Variants in FAM184B observed in about 807,000 individuals in gnomAD.
The protein encoded by FAM184B is protein FAM184B.
FAM184B carries 111 observed loss-of-function variants against 135.9 expected under a neutral mutation model. The observed-to-expected ratio is 0.82, with a 90% CI of 0.70 to 0.96. The LOEUF (loss-of-function observed/expected upper bound fraction) is 0.96. Among genes scored for constraint, FAM184B ranks in the 40% least tolerant of loss-of-function variants. FAM184B has a pLI of 0.00. For synonymous variants in FAM184B, 552 were observed against 524.8 expected, an observed-to-expected ratio of 1.05 and a Z score of -0.71; for missense variants, 1,375 against 1,323.9, an observed-to-expected ratio of 1.04 and a Z score of -0.60.
chr4:17,748,522 T>G (rs1190981240), intron 1 of FAM184B, among the ~76,000 whole-genome samples: 1 of 147,378 alleles, frequency 6.8e-6, no homozygotes, highest in Non-Finnish European at 1.5e-5. Flanking sequence ...TTTTTTTTTT[T>G]TTTTTTTTTT....
chr4:17,751,681 C>T (rs568297605), intron 1 of FAM184B, among the ~76,000 whole-genome samples: 1 of 151,986 alleles, frequency 6.6e-6, no homozygotes, highest in Non-Finnish European at 1.5e-5. Context: ...TCAACATCCA[C>T]GTTTAAGCAA....
chr4:17,752,256 T>C (rs1718311013), intron 1 of FAM184B, among the ~76,000 whole-genome samples: 1 of 152,076 alleles, frequency 6.6e-6, no homozygotes, highest in African/African-American at 2.4e-5. Flanking sequence ...GAATTGGAGT[T>C]TCAAGAGAGA....
rs1477878721 is a variant in FAM184B, at chr4:17,631,364, T to G, written c.*1168A>C. The G allele has an allele frequency of 1.3e-5, 2 of 152,358 alleles. No individual in the cohort carries two copies. The highest frequency in any genetic ancestry group is 4.8e-5 in the African/African-American group (2 of 41,452). The allele number at this position is 152,358 out of a possible 1,614,324, so 9.4% of individuals were successfully genotyped here. ...TTTTTTGTAGAGATGGAGGTCTCGC[T>G]GTGTTGCCCAGGCTGGTCTCAAATT... On this transcript the variant is annotated 3_prime_UTR_variant, in exon 18 of 18. Transcript: ENST00000265018.
At chr4:17,732,764 G>A (rs1717812415) in intron 1 of FAM184B, among the ~76,000 whole-genome samples, 1 of 152,182 alleles carries the variant, frequency 6.6e-6, no homozygotes, top group South Asian at 2.1e-4. Flanking sequence ...GGTACAAGGA[G>A]GAGCTGGTAC....
chr4:17,722,848 A>AT (rs879908451), intron 1 of FAM184B, among the ~76,000 whole-genome samples: 4 of 152,094 alleles, frequency 2.6e-5, no homozygotes, highest in Admixed American at 6.6e-5. Context: ...TGCGTGAATG[A>AT]TTTTTTTTAT....
At chr4:17,667,848 T>C (rs534940067) in intron 7 of FAM184B, among the ~76,000 whole-genome samples, 17 of 152,208 alleles carry the variant, frequency 1.1e-4, no homozygotes, top group Non-Finnish European at 2.4e-4. Context: ...CACATGTCAT[T>C]ATTGATCTAC....
At chr4:17,668,022 C>G (rs1435966044) in intron 7 of FAM184B, among the ~76,000 whole-genome samples, 1 of 152,206 alleles carries the variant, frequency 6.6e-6, no homozygotes, top group Admixed American at 6.5e-5. Context: ...TCAGGGTTCT[C>G]CCTATCCCCA....
intron 16 of FAM184B, chr4:17,634,236 T>C (rs1431828841): frequency 5.4e-6 from 1 of 185,608 alleles, no homozygotes; most frequent in Admixed American, 6.1e-5. Flanking sequence ...GTGAAACTTG[T>C]ATTTTGTCAC....
At chr4:17,651,836 T>C (rs1715625117) in intron 11 of FAM184B, among the ~76,000 whole-genome samples, 1 of 152,114 alleles carries the variant, frequency 6.6e-6, no homozygotes, top group Non-Finnish European at 1.5e-5. Context: ...TTACCTCTGT[T>C]AACTTCGAAG....
At chr4:17,705,474 G>A (rs1717087363) in intron 4 of FAM184B, among the ~76,000 whole-genome samples, 1 of 152,196 alleles carries the variant, frequency 6.6e-6, no homozygotes, top group African/African-American at 2.4e-5. Flanking sequence ...TGCTTTGCTT[G>A]TTTTGACTGG....
At chr4:17,708,288 A>G (rs141510037) in intron 2 of FAM184B, among the ~76,000 whole-genome samples, 157 of 152,236 alleles carry the variant, frequency 1.0e-3, no homozygotes, top group Admixed American at 2.7e-3. Flanking sequence ...GTTAGGGACC[A>G]AGTCTAACTC....
In FAM184B at chr4:17,669,688, G is replaced by A. The variant is rs531959316; in HGVS notation, c.1597-5029C>T. 2.6e-5 allele frequency among the ~76,000 whole-genome samples: 4 copies of A among 152,256 alleles called. No individual in the cohort carries two copies. In the South Asian group the frequency reaches 6.2e-4, roughly 24 times the overall value. Reference sequence around the variant, plus strand: ...ATGAAGCTATAGCCCTCTAACGATAGAGCCTGAAAACATAAGGCAAAATGT... The same window carrying A: ...ATGAAGCTATAGCCCTCTAACGATAAAGCCTGAAAACATAAGGCAAAATGT... On this transcript the variant is annotated intron_variant, in intron 7 of 17. Transcript: ENST00000265018.
chr4:17,686,260 C>T (rs529017816), intron 7 of FAM184B, among the ~76,000 whole-genome samples: 1 of 152,320 alleles, frequency 6.6e-6, no homozygotes, highest in Admixed American at 6.5e-5. Context: ...ATCCCTCAGG[C>T]AGAAATCTTC....
intron 1 of FAM184B, among the ~76,000 whole-genome samples, chr4:17,745,922 A>G (rs1419921999): frequency 1.3e-5 from 2 of 152,182 alleles, no homozygotes; most frequent in South Asian, 2.1e-4. Flanking sequence ...ATTTGGGCCT[A>G]TGATCTTTGG....
intron 7 of FAM184B, among the ~76,000 whole-genome samples, chr4:17,676,651 T>C (rs139661047): frequency 2.8e-3 from 426 of 152,336 alleles, no homozygotes; most frequent in African/African-American, 9.7e-3. Flanking sequence ...ATTTGCAGTA[T>C]CTCCGAGGTA....
At chr4:17,715,542 T>G (rs1717386347) in intron 1 of FAM184B, among the ~76,000 whole-genome samples, 1 of 151,936 alleles carries the variant, frequency 6.6e-6, no homozygotes, top group Non-Finnish European at 1.5e-5. Context: ...AAAATTTCAA[T>G]TAAAGGAATA....
At chr4:17,641,807 CTT>C (rs1715324679) in intron 13 of FAM184B, among the ~76,000 whole-genome samples, 1 of 151,926 alleles carries the variant, frequency 6.6e-6, no homozygotes, top group Admixed American at 6.6e-5. Context: ...CAGACTCCCT[CTT>C]TTATTTCAAG....
chr4:17,682,597 C>T (rs1458229334), intron 7 of FAM184B, among the ~76,000 whole-genome samples: 1 of 152,152 alleles, frequency 6.6e-6, no homozygotes, highest in Admixed American at 6.6e-5. Context: ...CTCCCAGGTC[C>T]TAGCGGTTCT....
At position 17,748,037 on chromosome 4, in the gene FAM184B, G is replaced by C. The variant is rs150600255; in HGVS notation, c.141+33122C>G. ...GAGAATCGCTTAAACCCGGGAGGCA[G>C]AGGTTGCAGTTAGCAGAGATCGCGC... On this transcript the variant is annotated intron_variant, in intron 1 of 17. Transcript: ENST00000265018. Among the ~76,000 whole-genome samples, 605 of 141,506 alleles carry C rather than the reference G, an allele frequency of 4.3e-3. 5 individuals are homozygous for C. The highest frequency in any genetic ancestry group is 0.015 in the African/African-American group (572 of 38,826). 92.8% of individuals were successfully genotyped at this position (141,506 alleles called of 152,430 possible). A position where few individuals can be genotyped will look rare whatever the true frequency, so the allele number is the denominator to read the frequency against.
Sources: gnomAD v4.1 joint callset for allele counts (sites outside exome capture counted in the v4.1 genomes callset) on GRCh38, gnomAD v4.1.1 for gene constraint, MANE v1.5 for transcripts, NCBI Gene and HGNC (gene_info 2026-07-23, HGNC 2026-07-21) for gene names.